MRPS28: variants seen among roughly 807,000 people sequenced by gnomAD.
MRPS28 encodes the protein mitochondrial ribosomal protein S28.
A neutral mutation model predicts 10.8 loss-of-function variants in MRPS28; 7 were observed. The observed-to-expected ratio is 0.65, with a 90% CI of 0.37 to 1.22. The LOEUF is 1.22. Ranked by LOEUF, MRPS28 falls within the 50% of genes most tolerant of loss-of-function variation. The pLI is 0.02. For missense variants in MRPS28, 265 were observed against 232.9 expected, an observed-to-expected ratio of 1.14 and a Z score of -0.90; for synonymous variants, 121 against 93.3, an observed-to-expected ratio of 1.30 and a Z score of -1.71.
At chr8:79,968,959 C>T (rs1014783441) in intron 2 of MRPS28, among the ~76,000 whole-genome samples, 2 of 152,058 alleles carry the variant, frequency 1.3e-5, no homozygotes, top group Non-Finnish European at 2.9e-5. Context: ...GCCTTAGCTG[C>T]CTTCACTGAA....
chr8:80,018,523 T>C (rs115214331), intron 1 of MRPS28, among the ~76,000 whole-genome samples: 2,644 of 152,248 alleles, frequency 0.017, 77 homozygotes, highest in African/African-American at 0.058. Flanking sequence ...GGAACCATCA[T>C]ATACTGTTAG....
At chr8:79,982,473 C>T (rs1240244171) in intron 2 of MRPS28, among the ~76,000 whole-genome samples, 17 of 151,916 alleles carry the variant, frequency 1.1e-4, no homozygotes, top group African/African-American at 2.7e-4. Flanking sequence ...TTGCCTCACT[C>T]GGGAAGCACA....
At chr8:79,997,419 C>T (rs1210941902) in intron 2 of MRPS28, among the ~76,000 whole-genome samples, 1 of 152,118 alleles carries the variant, frequency 6.6e-6, no homozygotes, top group East Asian at 1.9e-4. Flanking sequence ...ACAATACCCA[C>T]ACTGCAAGGT....
At chr8:79,919,897 A>G (rs1292798941) in intron 2 of MRPS28, among the ~76,000 whole-genome samples, 2 of 151,422 alleles carry the variant, frequency 1.3e-5, no homozygotes, top group African/African-American at 4.8e-5. Context: ...TGCTGCACCC[A>G]TTAACTCGTC....
intron 2 of MRPS28, chr8:79,958,148 C>T (rs1807277111): frequency 4.2e-6 from 2 of 474,884 alleles, no homozygotes; most frequent in South Asian, 3.5e-5. Flanking sequence ...ACCCTGTACT[C>T]ATTAGCAATC....
intron 1 of MRPS28, chr8:80,028,649 C>CGGGGGGGGGGGGGGGGGGGGGGGGG (rs1391638801): frequency 2.2e-4 from 1 of 4,542 alleles, no homozygotes; most frequent in Non-Finnish European, 4.3e-4. Flanking sequence ...AGAAGACGGG[C>CGGGGGGGGGGGGGGGGGGGGGGGGG]GGGGGGGGCG....
At chr8:80,019,821 G>A (rs955403556) in intron 1 of MRPS28, among the ~76,000 whole-genome samples, 2 of 152,146 alleles carry the variant, frequency 1.3e-5, no homozygotes, top group Admixed American at 6.5e-5. Flanking sequence ...AAACTATGTG[G>A]CCAAAGTATT....
At chr8:80,005,842 C>G (rs7013890) in intron 1 of MRPS28, among the ~76,000 whole-genome samples, 113,028 of 152,016 alleles carry the variant, frequency 0.74, 42,236 homozygotes, top group East Asian at 0.85. Flanking sequence ...ATCCTAGTCT[C>G]TGATAAAACA....
intron 2 of MRPS28, among the ~76,000 whole-genome samples, chr8:79,953,073 T>C (rs914872301): frequency 2.0e-5 from 3 of 152,232 alleles, no homozygotes; most frequent in African/African-American, 7.2e-5. Context: ...GTTCCTGTCC[T>C]AATCCTGCTC....
At chr8:80,029,748 C>T in intron 1 of MRPS28, 1 of 1,471,770 alleles carries the variant, frequency 6.8e-7, no homozygotes, top group Non-Finnish European at 9.0e-7. Context: ...CAGCAGCGCT[C>T]CCCGCTGGTT....
chr8:79,955,737 AAT>A (rs1323609571), intron 2 of MRPS28, among the ~76,000 whole-genome samples: 1 of 152,194 alleles, frequency 6.6e-6, no homozygotes, highest in African/African-American at 2.4e-5. Context: ...TTAAAACAAA[AAT>A]AGTTTATAAA....
intron 2 of MRPS28, among the ~76,000 whole-genome samples, chr8:79,999,327 G>A (rs1395240423): frequency 6.6e-6 from 1 of 152,184 alleles, no homozygotes; most frequent in East Asian, 1.9e-4. Context: ...TTACTTCCTT[G>A]TTCAGTGATA....
chr8:79,954,356 T>G (rs1225013804), intron 2 of MRPS28, among the ~76,000 whole-genome samples: 2 of 152,090 alleles, frequency 1.3e-5, no homozygotes, highest in Non-Finnish European at 2.9e-5. Context: ...TATGCACACA[T>G]ACACACTCAT....
chr8:80,020,358 C>T (rs1312655740), intron 1 of MRPS28, among the ~76,000 whole-genome samples: 1 of 152,162 alleles, frequency 6.6e-6, no homozygotes, highest in Non-Finnish European at 1.5e-5. Context: ...ACGGCCTGCA[C>T]TAGTTTTTCA....
rs574156527 is a variant in MRPS28 at position 79,998,084 on chromosome 8, A to G, written c.395+4915T>C. ...AAAAAAAAAAGAAAGAAAGAAAGAAAGAAACAAGCACAACTGAGCTTTTGC... is the reference window on the plus strand; with the variant it reads ...AAAAAAAAAAGAAAGAAAGAAAGAAGGAAACAAGCACAACTGAGCTTTTGC... On this transcript the variant is annotated intron_variant, in intron 2 of 2. Transcript: ENST00000276585. 2.8e-4 allele frequency among the ~76,000 whole-genome samples: 42 copies of G among 152,130 alleles called. 1 individual carries two copies. In the South Asian group the frequency reaches 8.5e-3, roughly 31 times the overall value.
At chr8:79,951,132 T>C (rs1002106199) in intron 2 of MRPS28, among the ~76,000 whole-genome samples, 1 of 152,194 alleles carries the variant, frequency 6.6e-6, no homozygotes, top group Non-Finnish European at 1.5e-5. Context: ...TATTAATCTG[T>C]GGTCACTGAC....
intron 1 of MRPS28, among the ~76,000 whole-genome samples, chr8:80,019,221 G>A (rs1395105138): frequency 6.6e-6 from 1 of 150,650 alleles, no homozygotes; most frequent in Non-Finnish European, 1.5e-5. Flanking sequence ...AACACAAAGA[G>A]TAAATGCTTG....
chr8:80,021,977 A>T (rs1054203418), intron 1 of MRPS28, among the ~76,000 whole-genome samples: 3 of 152,200 alleles, frequency 2.0e-5, no homozygotes, highest in Admixed American at 2.0e-4. Flanking sequence ...CGTAATCATC[A>T]ATGCAATTTT....
intron 2 of MRPS28, among the ~76,000 whole-genome samples, chr8:79,994,617 T>C (rs1218187584): frequency 1.3e-5 from 2 of 152,118 alleles, no homozygotes; most frequent in African/African-American, 4.8e-5. Context: ...CTCATCATTT[T>C]TTTCAGCAGC....
Sources: gnomAD v4.1 joint callset for allele counts (sites outside exome capture counted in the v4.1 genomes callset) on GRCh38, gnomAD v4.1.1 for gene constraint, MANE v1.5 for transcripts, NCBI Gene and HGNC (gene_info 2026-07-23, HGNC 2026-07-21) for gene names.